NPAS2: variants seen among roughly 807,000 people sequenced by gnomAD.
NPAS2 encodes the protein neuronal PAS domain-containing protein 2.
Under a neutral mutation model 107.5 loss-of-function variants are expected in NPAS2, and 23 were observed. The observed-to-expected ratio is 0.21, with a 90% CI of 0.15 to 0.30. NPAS2 has a LOEUF of 0.30. Among genes scored for constraint, NPAS2 ranks in the 10% least tolerant of loss-of-function variants. The pLI, the probability that NPAS2 is intolerant of heterozygous loss-of-function variation, is 1.00. For synonymous variants in NPAS2, 403 were observed against 417.5 expected (o/e 0.97, Z 0.42); for missense variants, 756 against 1,043.3 (o/e 0.72, Z 3.79).
chr2:100,921,971 A>T (rs1006541305), intron 2 of NPAS2, among the ~76,000 whole-genome samples: 3 of 152,198 alleles, frequency 2.0e-5, no homozygotes, highest in Non-Finnish European at 2.9e-5. Flanking sequence ...GTCATCAGGA[A>T]AAAGGAATGG....
chr2:100,830,532 C>T (rs960974396), intron 1 of NPAS2, among the ~76,000 whole-genome samples: 3 of 149,560 alleles, frequency 2.0e-5, no homozygotes, highest in Non-Finnish European at 4.4e-5. Context: ...CCCAAGTGTT[C>T]TCATTGTTCA....
In NPAS2 at chr2:100,952,567, AAAAAAAAC is replaced by A. The variant is rs770680035; in HGVS notation, c.598+3098_598+3105del. ...CAACAAGAGCAAAACTCTGTCTCAA[AAAAAAAAC>A]AAAAAAACAACAACAAAAAACTAGC... is the stretch of plus-strand genomic sequence containing the variant. On this transcript the variant is annotated intron_variant, in intron 7 of 20. Coordinates refer to ENST00000335681, the MANE Select transcript of NPAS2 (RefSeq NM_002518.4). Among the ~76,000 whole-genome samples the A allele has an allele frequency of 9.6e-4, 146 of 152,250 alleles. 1 individual carries two copies. The highest frequency in any genetic ancestry group is 1.5e-3 in the Admixed American group (23 of 15,310).
intron 1 of NPAS2, among the ~76,000 whole-genome samples, chr2:100,867,221 T>C (rs887246641): frequency 6.6e-6 from 1 of 152,226 alleles, no homozygotes; most frequent in African/African-American, 2.4e-5. Flanking sequence ...GCTGCTCAAT[T>C]TTATTTATCC....
At chr2:100,935,846 T>C (rs1396331893) in intron 4 of NPAS2, among the ~76,000 whole-genome samples, 1 of 152,208 alleles carries the variant, frequency 6.6e-6, no homozygotes, top group Non-Finnish European at 1.5e-5. Flanking sequence ...ATGTACTTCT[T>C]CGTTTACTGT....
chr2:100,846,494 T>TA (rs1456345798), intron 1 of NPAS2, among the ~76,000 whole-genome samples: 2 of 152,130 alleles, frequency 1.3e-5, no homozygotes, highest in East Asian at 1.9e-4. Flanking sequence ...GTTAAAAGAG[T>TA]GTTTTTTTCT....
At chr2:100,934,312 A>AT (rs1306730783) in intron 4 of NPAS2, among the ~76,000 whole-genome samples, 4 of 133,438 alleles carry the variant, frequency 3.0e-5, no homozygotes, top group Admixed American at 1.8e-4. Context: ...CTGTAGCACA[A>AT]CCTTTTTTTT....
intron 1 of NPAS2, among the ~76,000 whole-genome samples, chr2:100,892,199 G>A (rs942588029): frequency 8.5e-5 from 13 of 152,138 alleles, no homozygotes; most frequent in African/African-American, 3.1e-4. Flanking sequence ...TGTTAGGATG[G>A]CCCTTCCATC....
chr2:100,856,233 A>C (rs148370124), intron 1 of NPAS2, among the ~76,000 whole-genome samples: 2 of 152,366 alleles, frequency 1.3e-5, no homozygotes, highest in African/African-American at 4.8e-5. Flanking sequence ...ACCATCCATT[A>C]GGATTTAAGT....
Position 100,925,411 on chromosome 2 carries a change from G to T in NPAS2, c.181+117G>T. The T allele has an allele frequency of 2.8e-6, 3 of 1,070,926 alleles. No homozygotes were observed. The South Asian group carries it at 4.8e-5, about 17-fold the overall frequency. The allele number at this position is 1,070,926 out of a possible 1,614,324, so 66.3% of individuals were successfully genotyped here. A position where few individuals can be genotyped will look rare whatever the true frequency, so the allele number is the denominator to read the frequency against. ...CTCCCCAGCCAGGCCCAGCCTTACC[G>T]GTCGAGGGCTTCCCATTGTAAAGAC... On this transcript the variant is annotated intron_variant, in intron 3 of 20. Transcript: ENST00000335681.
intron 1 of NPAS2, among the ~76,000 whole-genome samples, chr2:100,837,941 A>G (rs1433683376): frequency 3.3e-5 from 5 of 152,096 alleles, no homozygotes; most frequent in Non-Finnish European, 7.4e-5. Context: ...AGAAGGGGAA[A>G]CTGAGGCTGA....
At chr2:100,980,734 G>C (rs1234469208) in intron 15 of NPAS2, among the ~76,000 whole-genome samples, 1 of 152,182 alleles carries the variant, frequency 6.6e-6, no homozygotes, top group Non-Finnish European at 1.5e-5. Flanking sequence ...GCCTCTCAAA[G>C]TGCTGGGATT....
At chr2:100,977,871 T>C in intron 15 of NPAS2, 72 bp downstream of exon 15, 1 of 1,317,564 alleles carries the variant, frequency 7.6e-7, no homozygotes, top group Non-Finnish European at 1.1e-6. Flanking sequence ...CTGATGGTCT[T>C]GTACACTTAG....
At chr2:100,947,188 C>T (rs1051867044) in intron 5 of NPAS2, among the ~76,000 whole-genome samples, 3 of 152,128 alleles carry the variant, frequency 2.0e-5, no homozygotes, top group Non-Finnish European at 2.9e-5. Flanking sequence ...CTCCTCGGTC[C>T]ACTGTGAGCT....
intron 2 of NPAS2, among the ~76,000 whole-genome samples, chr2:100,908,821 G>A (rs937797132): frequency 6.6e-6 from 1 of 152,154 alleles, no homozygotes; most frequent in African/African-American, 2.4e-5. Flanking sequence ...GGGAGTTTAT[G>A]GCTCTGCTGC....
chr2:100,985,580 TATTCCATTC>T (rs1231532899), intron 16 of NPAS2: 3 of 152,254 alleles, frequency 2.0e-5, no homozygotes, highest in Non-Finnish European at 4.4e-5. Context: ...TACATGCATT[TATTCCATTC>T]ATTCATTTAT....
intron 7 of NPAS2, among the ~76,000 whole-genome samples, chr2:100,957,481 AAG>A (rs1409780018): frequency 2.6e-5 from 4 of 152,246 alleles, no homozygotes; most frequent in Non-Finnish European, 5.9e-5. Context: ...ACAACAACAA[AAG>A]AGAGATGCTT....
chr2:100,954,664 CAAAA>C (rs1194534141), intron 7 of NPAS2, among the ~76,000 whole-genome samples: 9,416 of 81,378 alleles, frequency 0.12, 476 homozygotes, highest in African/African-American at 0.19. Context: ...AACTGTGTCT[CAAAA>C]AAAAAAAAAA....
chr2:100,942,010 CTG>C (rs1029544507), intron 5 of NPAS2, among the ~76,000 whole-genome samples: 5 of 152,082 alleles, frequency 3.3e-5, no homozygotes, highest in African/African-American at 7.2e-5. Flanking sequence ...GAATTCATAA[CTG>C]GGGTTATGAG....
intron 2 of NPAS2, 136 bp from the exon 3 acceptor site, chr2:100,925,010 G>A (rs751661559): frequency 1.0e-4 from 91 of 870,504 alleles, no homozygotes; most frequent in Admixed American, 2.7e-4. Context: ...TGTGGCCAGC[G>A]TGACCTTCCT....
Sources: allele counts gnomAD v4.1 joint callset (sites outside exome capture counted in the v4.1 genomes callset), GRCh38; gene constraint gnomAD v4.1.1; transcripts MANE v1.5; gene names NCBI Gene and HGNC (gene_info 2026-07-23, HGNC 2026-07-21).